The following ATF6 variants were observed in gnomAD, a reference collection of about 807,000 sequenced individuals.
ATF6 encodes cyclic AMP-dependent transcription factor ATF-6 alpha.
Under a neutral mutation model 83.6 loss-of-function variants are expected in ATF6, and 53 were observed. The observed-to-expected ratio is 0.63, with a 90% CI of 0.51 to 0.80. The LOEUF (loss-of-function observed/expected upper bound fraction) is 0.80. Among genes scored for constraint, ATF6 ranks in the 30% least tolerant of loss-of-function variants. The pLI is 0.00. For synonymous variants in ATF6, 288 were observed against 285.8 expected, an observed-to-expected ratio of 1.01 and a Z score of -0.08; for missense variants, 744 against 797.9, an observed-to-expected ratio of 0.93 and a Z score of 0.81.
chr1:161,934,775 G>A (rs1015910806), intron 15 of ATF6, among the ~76,000 whole-genome samples: 1 of 152,118 alleles, frequency 6.6e-6, no homozygotes, highest in African/African-American at 2.4e-5. Context: ...CTACCACTGA[G>A]AGCATTAAAT....
At chr1:161,841,820 G>T (rs1686364813) in intron 9 of ATF6, among the ~76,000 whole-genome samples, 1 of 152,160 alleles carries the variant, frequency 6.6e-6, no homozygotes, top group South Asian at 2.1e-4. Flanking sequence ...GACCACTTAT[G>T]AGCCAAACCA....
intron 1 of ATF6, among the ~76,000 whole-genome samples, chr1:161,776,825 T>C (rs564424357): frequency 6.6e-6 from 1 of 152,322 alleles, no homozygotes; most frequent in Admixed American, 6.5e-5. Context: ...TTGGAAATCC[T>C]TGGTATATAG....
intron 1 of ATF6, among the ~76,000 whole-genome samples, chr1:161,771,374 A>C (rs1684385508): frequency 6.6e-6 from 1 of 152,158 alleles, no homozygotes; most frequent in South Asian, 2.1e-4. Context: ...GCACTAAATC[A>C]AAATCTGGTG....
intron 15 of ATF6, among the ~76,000 whole-genome samples, chr1:161,920,897 A>G (rs571631912): frequency 6.6e-6 from 1 of 152,334 alleles, no homozygotes; most frequent in South Asian, 2.1e-4. Context: ...CCTGGCTTCA[A>G]AGGAGGCTCA....
intron 15 of ATF6, among the ~76,000 whole-genome samples, chr1:161,936,951 T>A (rs148281383): frequency 1.3e-5 from 2 of 152,086 alleles, no homozygotes; most frequent in Non-Finnish European, 2.9e-5. Context: ...CCTTGACCCA[T>A]TTTGTTTCCT....
chr1:161,789,252 CTTTT>C (rs71755584), intron 4 of ATF6, among the ~76,000 whole-genome samples: 2 of 101,378 alleles, frequency 2.0e-5, no homozygotes, highest in Non-Finnish European at 3.7e-5. Context: ...ATTCCTTCTC[CTTTT>C]TTTTTTTTTT....
intron 2 of ATF6, among the ~76,000 whole-genome samples, chr1:161,781,165 A>G (rs1684628148): frequency 1.3e-5 from 2 of 152,236 alleles, no homozygotes; most frequent in African/African-American, 2.4e-5. Flanking sequence ...TCATGTATAT[A>G]GTATAAGGTG....
intron 15 of ATF6, among the ~76,000 whole-genome samples, chr1:161,920,294 C>CTTTTTTTTTTTTTT (rs71798307): frequency 0.057 from 3,124 of 54,756 alleles, 1,115 homozygotes; most frequent in Middle Eastern, 0.083. Context: ...CTCTCTCTCT[C>CTTTTTTTTTTTTTT]TTTTTTTTTT....
At chr1:161,777,709 T>A (rs1684548506) in intron 1 of ATF6, among the ~76,000 whole-genome samples, 1 of 152,224 alleles carries the variant, frequency 6.6e-6, no homozygotes, top group South Asian at 2.1e-4. Context: ...CATTAGGAAA[T>A]TGGAATATAG....
intron 14 of ATF6, among the ~76,000 whole-genome samples, chr1:161,870,744 G>A (rs1024372435): frequency 6.6e-6 from 1 of 151,738 alleles, no homozygotes; most frequent in African/African-American, 2.4e-5. Context: ...CTTGCTTTAT[G>A]TTTGAGAAAA....
chr1:161,866,559 C>A (rs1687004623), intron 14 of ATF6, among the ~76,000 whole-genome samples: 1 of 152,158 alleles, frequency 6.6e-6, no homozygotes, highest in Non-Finnish European at 1.5e-5. Context: ...TGCTTAGTTC[C>A]AGTTATTTGT....
chr1:161,860,320 C>T, intron 13 of ATF6, 43 bp downstream of exon 13: 2 of 1,411,342 alleles, frequency 1.4e-6, no homozygotes, highest in South Asian at 1.6e-5. Context: ...TTTAAAATAG[C>T]TGGTATTTTA....
chr1:161,907,373 A>T lies in ATF6; in HGVS notation c.1720-4923A>T, dbSNP rs117912333. On this transcript the variant is annotated intron_variant, in intron 14 of 15. Transcript: ENST00000367942. ...TATTTTTATTTTTGATCTGCTTTTA[A>T]CAGTTTCCTATATTGGAAAACCAAA... is the stretch of plus-strand genomic sequence containing the variant. Among the ~76,000 whole-genome samples the T allele has an allele frequency of 1.1e-3, 167 of 152,326 alleles. 5 individuals are homozygous for T. The East Asian group carries it at 0.031, about 28-fold the overall frequency.
At chr1:161,826,825 G>A (rs1437715111) in intron 9 of ATF6, among the ~76,000 whole-genome samples, 1 of 151,952 alleles carries the variant, frequency 6.6e-6, no homozygotes, top group Non-Finnish European at 1.5e-5. Flanking sequence ...TTAAAGCCCA[G>A]AGAACAACAG....
At position 161,960,357 on chromosome 1, in the gene ATF6, A is replaced by C. The variant is rs1689073068; in HGVS notation, c.*1703A>C. ...ATTTCTTCTTGTTCCACACTATAGC[A>C]ATCAATTTCTCTTCTTCCTTACAAG... On this transcript the variant is annotated 3_prime_UTR_variant, in exon 16 of 16. Coordinates refer to ENST00000367942, the MANE Select transcript of ATF6 (RefSeq NM_007348.4). The C allele has an allele frequency of 6.6e-6, 1 of 152,232 alleles. No homozygotes were observed. The highest frequency in any genetic ancestry group is 2.4e-5 in the African/African-American group (1 of 41,448). 9.4% of individuals were successfully genotyped at this position (152,232 alleles called of 1,614,324 possible).
At chr1:161,833,531 C>G (rs1686128909) in intron 9 of ATF6, among the ~76,000 whole-genome samples, 2 of 152,176 alleles carry the variant, frequency 1.3e-5, no homozygotes, top group South Asian at 2.1e-4. Context: ...GAATGGATAA[C>G]TAGAATAACC....
At chr1:161,786,566 C>T (rs1008298193) in intron 4 of ATF6, among the ~76,000 whole-genome samples, 1 of 151,882 alleles carries the variant, frequency 6.6e-6, no homozygotes, top group African/African-American at 2.4e-5. Flanking sequence ...CATATTTTTA[C>T]TCTTTTTTTT....
At chr1:161,864,941 T>G (rs1686959066) in intron 14 of ATF6, among the ~76,000 whole-genome samples, 2 of 152,234 alleles carry the variant, frequency 1.3e-5, no homozygotes, top group African/African-American at 2.4e-5. Context: ...TTAAAATGAT[T>G]GTGTTGAAGT....
At chr1:161,814,126 C>T (rs979785410) in intron 7 of ATF6, among the ~76,000 whole-genome samples, 6 of 152,144 alleles carry the variant, frequency 3.9e-5, no homozygotes, top group Admixed American at 2.0e-4. Context: ...TCAGGTGATC[C>T]GCCCGCCTTG....
Sources: allele counts gnomAD v4.1 joint callset (sites outside exome capture counted in the v4.1 genomes callset), GRCh38; gene constraint gnomAD v4.1.1; transcripts MANE v1.5; gene names NCBI Gene and HGNC (gene_info 2026-07-23, HGNC 2026-07-21).